The following KCNA2 variants were observed in gnomAD, a reference collection of about 807,000 sequenced individuals.
KCNA2 encodes potassium channel, voltage gated shaker related subfamily A, member 2.
In KCNA2, 11 loss-of-function variants were observed where a neutral mutation model predicts 33.4. The ratio of observed to expected loss-of-function variants is 0.33; its 90% CI spans 0.21 to 0.55. The LOEUF (loss-of-function observed/expected upper bound fraction) is 0.55, where lower values mean the gene tolerates loss of function less well. Ranked by LOEUF, KCNA2 falls within the 20% of genes least tolerant of loss-of-function variation. The pLI, the probability that KCNA2 is intolerant of heterozygous loss-of-function variation, is 0.93. For synonymous variants in KCNA2, 222 were observed against 231.3 expected, an observed-to-expected ratio of 0.96 and a Z score of 0.37; for missense variants, 291 against 621.6, an observed-to-expected ratio of 0.47 and a Z score of 5.66.
rs1046086809 is a variant in KCNA2 at position 110,599,661 on chromosome 1, A to G, written c.*3622T>C. On this transcript the variant is annotated 3_prime_UTR_variant, in exon 3 of 3. Coordinates refer to ENST00000316361, the MANE Select transcript of KCNA2 (RefSeq NM_004974.4). ...CAAAGCTGCAAAGGATGGAAGGGCA[A>G]TAAAATCTGTGGGCTTAGAGAATGT... The G allele has an allele frequency of 1.0e-6, 1 of 985,492 alleles. No individual in the cohort carries two copies. Among genetic ancestry groups the G allele is most frequent in the Non-Finnish European group, 1.2e-6 (1 of 829,960 alleles). 61.0% of individuals were successfully genotyped at this position (985,492 alleles called of 1,614,324 possible).
chr1:110,612,469 C>T (rs1281077979), intron 1 of KCNA2, among the ~76,000 whole-genome samples: 3 of 152,188 alleles, frequency 2.0e-5, no homozygotes, highest in Non-Finnish European at 2.9e-5. Context: ...TCTTCTTCCT[C>T]CTTCACCCGA....
At chr1:110,628,557 A>C (rs901575134) in intron 1 of KCNA2, among the ~76,000 whole-genome samples, 1 of 152,162 alleles carries the variant, frequency 6.6e-6, no homozygotes, top group Non-Finnish European at 1.5e-5. Flanking sequence ...GCAGAGACCC[A>C]TTGTGTCCAT....
In KCNA2 at chr1:110,604,196, T is replaced by C. The variant is rs980579179; in HGVS notation, c.587A>G (p.His196Arg). Residue 196 changes from histidine (H) to arginine (R), a missense_variant, in exon 3 of 3, where the codon CAT becomes CGT. By Grantham distance (29) the His-to-Arg change is conservative. Around this residue, in one of 5 missense-constraint regions of KCNA2, gnomAD observed 163 missense variants for 273.5 expected, o/e 0.60. Coordinates refer to ENST00000316361, the MANE Select transcript of KCNA2 (RefSeq NM_004974.4). The surrounding 1 kb of genome is among the most constrained non-coding windows in gnomAD (Gnocchi z 7.6). ...GGTGTGGAAGGTCACCCCACTACCA[T>C]GCATGTCTTCATTCTCATCCCGGAA... ...PIFRDENEDM[H>R]GSGVTFHTYS... is the part of the protein sequence containing the mutation. 22 of 1,614,216 alleles carry C rather than the reference T, an allele frequency of 1.4e-5. No homozygotes were observed. The highest frequency in any genetic ancestry group is 1.7e-5 in the Non-Finnish European group (20 of 1,180,026).
At chr1:110,624,304 G>T (rs1158483739) in intron 1 of KCNA2, among the ~76,000 whole-genome samples, 3 of 152,196 alleles carry the variant, frequency 2.0e-5, no homozygotes, top group African/African-American at 4.8e-5. Flanking sequence ...ATGCTATTCA[G>T]CAATAAAAAA....
chr1:110,603,237 A>G lies in KCNA2; in HGVS notation c.*46T>C. On this transcript the variant is annotated 3_prime_UTR_variant, in exon 3 of 3. Coordinates refer to ENST00000316361, the MANE Select transcript of KCNA2 (RefSeq NM_004974.4). The surrounding 1 kb of genome is among the most constrained non-coding windows in gnomAD (Gnocchi z 5.7). Reference sequence around the variant, plus strand: ...ACTACAATGCAGGCTATTATGCAACATCTGCATTAGTTCCATTGAGCTGTG... The same window carrying G: ...ACTACAATGCAGGCTATTATGCAACGTCTGCATTAGTTCCATTGAGCTGTG... 6.4e-7 allele frequency: 1 copy of G among 1,555,256 alleles called. No individual in the cohort carries two copies. The highest frequency in any genetic ancestry group is 8.7e-7 in the Non-Finnish European group (1 of 1,152,158).
Position 110,596,129 on chromosome 1 carries a change from A to C in KCNA2, c.*7154T>G. The C allele has an allele frequency of 2.0e-6, 2 of 985,340 alleles. No homozygotes were observed. The highest frequency in any genetic ancestry group is 2.4e-6 in the Non-Finnish European group (2 of 829,902). The allele number at this position is 985,340 out of a possible 1,614,324, so 61.0% of individuals were successfully genotyped here. ...CTGTAGCCTGTTCTTTTTTTATGAA[A>C]GATCTGCCTTCTAGAGAGGTCCCTA... On this transcript the variant is annotated 3_prime_UTR_variant, in exon 3 of 3. Coordinates refer to ENST00000316361, the MANE Select transcript of KCNA2 (RefSeq NM_004974.4).
intron 1 of KCNA2, among the ~76,000 whole-genome samples, chr1:110,612,213 G>A (rs1180115667): frequency 2.0e-5 from 3 of 152,156 alleles, no homozygotes; most frequent in Non-Finnish European, 4.4e-5. Context: ...GTCACCTAAC[G>A]ATGGAGACAC....
At chr1:110,612,969 G>A (rs1165971225) in intron 1 of KCNA2, among the ~76,000 whole-genome samples, 3 of 152,178 alleles carry the variant, frequency 2.0e-5, no homozygotes, top group Non-Finnish European at 4.4e-5. Context: ...TTTCCTCTCT[G>A]AGTCTCAGGT....
upstream of KCNA2, chr1:110,606,458 C>A (rs575151206): frequency 6.6e-6 from 1 of 152,352 alleles, no homozygotes; most frequent in South Asian, 2.1e-4. Context: ...GACCCAATCC[C>A]GCCGGCCCCA....
rs1331001986 is a variant in KCNA2 at position 110,603,178 on chromosome 1, A to C, written c.*105T>G. On this transcript the variant is annotated 3_prime_UTR_variant, in exon 3 of 3. Transcript: ENST00000316361. This position sits in a 1 kb window ranked among gnomAD's most constrained non-coding sequence, Gnocchi z 5.7. The stretch of plus-strand genomic sequence containing the variant: ...GTCACTTGCACAACTATTGCTTTCC[A>C]TGCAGAACCAGATACACACTGTAGA... 1.3e-6 allele frequency: 2 copies of C among 1,493,792 alleles called. No individual in the cohort carries two copies. Among genetic ancestry groups the C allele is most frequent in the African/African-American group, 2.8e-5 (2 of 71,298 alleles). 92.5% of individuals were successfully genotyped at this position (1,493,792 alleles called of 1,614,324 possible).
chr1:110,598,703 T>C lies in KCNA2; in HGVS notation c.*4580A>G. On this transcript the variant is annotated 3_prime_UTR_variant, in exon 3 of 3. Transcript: ENST00000316361. ...GGCCCCTTTTAAAAGGCTAACCTCA[T>C]GGTGACATGCCAACACTAGCCTCAG... The C allele has an allele frequency of 3.0e-6, 3 of 985,190 alleles. No individual in the cohort carries two copies. The highest frequency in any genetic ancestry group is 3.6e-6 in the Non-Finnish European group (3 of 829,886). The allele number at this position is 985,190 out of a possible 1,614,324, so 61.0% of individuals were successfully genotyped here.
At chr1:110,614,880 T>A (rs1649999186) in intron 1 of KCNA2, among the ~76,000 whole-genome samples, 1 of 152,206 alleles carries the variant, frequency 6.6e-6, no homozygotes, top group South Asian at 2.1e-4. Context: ...ACTTTGCTGA[T>A]CCCCACATCA....
At position 110,593,998 on chromosome 1, in the gene KCNA2, G is replaced by A; in HGVS notation, c.*9285C>T. The A allele has an allele frequency of 1.3e-6, 2 of 1,545,278 alleles. No homozygotes were observed. Among genetic ancestry groups the A allele is most frequent in the South Asian group, 1.2e-5 (1 of 83,120 alleles). ...CCCATGAGTCTTCCCCGCAAGTCCTGCTCCGCCTTCAGCTCTCATTGGTCC... is the reference window on the plus strand; with the variant it reads ...CCCATGAGTCTTCCCCGCAAGTCCTACTCCGCCTTCAGCTCTCATTGGTCC... On this transcript the variant is annotated 3_prime_UTR_variant, in exon 3 of 3. Transcript: ENST00000316361.
In KCNA2 at chr1:110,597,188, C is replaced by T; in HGVS notation, c.*6095G>A. The T allele has an allele frequency of 2.0e-6, 2 of 985,444 alleles. No homozygotes were observed. Among genetic ancestry groups the T allele is most frequent in the Non-Finnish European group, 2.4e-6 (2 of 829,934 alleles). 61.0% of individuals were successfully genotyped at this position (985,444 alleles called of 1,614,324 possible). ...TCCCAAATCTGCCCAGGCTACTGAT[C>T]CCAAGTGCAAACCTCCAGGCCACAT... On this transcript the variant is annotated 3_prime_UTR_variant, in exon 3 of 3. Coordinates refer to ENST00000316361, the MANE Select transcript of KCNA2 (RefSeq NM_004974.4).
Position 110,600,360 on chromosome 1 carries a change from C to T in KCNA2, c.*2923G>A, listed in dbSNP as rs1050941837. The T allele has an allele frequency of 1.1e-5, 11 of 983,750 alleles. No homozygotes were observed. The highest frequency in any genetic ancestry group is 6.2e-5 in the Admixed American group (1 of 16,104). 60.9% of individuals were successfully genotyped at this position (983,750 alleles called of 1,614,324 possible). A position where few individuals can be genotyped will look rare whatever the true frequency, so the allele number is the denominator to read the frequency against. On this transcript the variant is annotated 3_prime_UTR_variant, in exon 3 of 3. Coordinates refer to ENST00000316361, the MANE Select transcript of KCNA2 (RefSeq NM_004974.4). ...ATCTTATATGCATATGCATTTTGTC[C>T]ATGTAGTTTTTTATGTATTTTGCAT...
Position 110,594,437 on chromosome 1 carries a change from G to A in KCNA2, c.*8846C>T, listed in dbSNP as rs370329362. 3.0e-6 allele frequency: 3 copies of A among 985,148 alleles called. No individual in the cohort carries two copies. The highest frequency in any genetic ancestry group is 1.2e-6 in the Non-Finnish European group (1 of 829,914). 61.0% of individuals were successfully genotyped at this position (985,148 alleles called of 1,614,324 possible). Reference sequence around the variant, plus strand: ...AAAGGAAATAGCATCCTCCACTCATGAGCTTTACAGCTATGTCCCTGATGA... The same window carrying A: ...AAAGGAAATAGCATCCTCCACTCATAAGCTTTACAGCTATGTCCCTGATGA... On this transcript the variant is annotated 3_prime_UTR_variant, in exon 3 of 3. Coordinates refer to ENST00000316361, the MANE Select transcript of KCNA2 (RefSeq NM_004974.4).
At chr1:110,610,502 T>C (rs557504959), upstream of KCNA2, among the ~76,000 whole-genome samples, 1 of 152,316 alleles carries the variant, frequency 6.6e-6, no homozygotes, top group Non-Finnish European at 1.5e-5. Context: ...ATTTAATCCT[T>C]GCAACCAGCC....
rs567128485 is a variant in KCNA2, at chr1:110,597,107, C to T, written c.*6176G>A. ...AACCTGCTTCCTTCTGCAGCTCTCA[C>T]GGAGTCCCTTTGGTTGAGCAAGTCA... is the stretch of plus-strand genomic sequence containing the variant. On this transcript the variant is annotated 3_prime_UTR_variant, in exon 3 of 3. Transcript: ENST00000316361. The T allele has an allele frequency of 1.1e-4, 107 of 985,344 alleles. No homozygotes were observed. Among genetic ancestry groups the T allele is most frequent in the East Asian group, 6.8e-4 (6 of 8,822 alleles). The allele number at this position is 985,344 out of a possible 1,614,324, so 61.0% of individuals were successfully genotyped here.
At chr1:110,611,903 A>AC (rs1368087520) in intron 1 of KCNA2, among the ~76,000 whole-genome samples, 4 of 151,626 alleles carry the variant, frequency 2.6e-5, no homozygotes, top group African/African-American at 9.7e-5. Flanking sequence ...ATGCCTGTAG[A>AC]CCCAGCTACT....
Sources: allele counts gnomAD v4.1 joint callset (sites outside exome capture counted in the v4.1 genomes callset), GRCh38; gene constraint gnomAD v4.1.1; regional missense constraint gnomAD v4.1.1; non-coding constraint Gnocchi (gnomAD v3.1); transcripts MANE v1.5; gene names NCBI Gene and HGNC (gene_info 2026-07-23, HGNC 2026-07-21).